The following GATAD1 variants were observed in gnomAD, a reference collection of about 807,000 sequenced individuals.
GATAD1 encodes the protein GATA zinc finger domain-containing protein 1.
In GATAD1, 12 loss-of-function variants were observed where a neutral mutation model predicts 26.5. The ratio of observed to expected loss-of-function variants is 0.45; its 90% CI spans 0.29 to 0.73. The LOEUF (loss-of-function observed/expected upper bound fraction) is 0.73, where lower values mean the gene tolerates loss of function less well. GATAD1 is among the 30% of genes least tolerant of loss of function. The pLI, the probability that GATAD1 is intolerant of heterozygous loss-of-function variation, is 0.10. For missense variants in GATAD1, 266 were observed against 342.1 expected (o/e 0.78, Z 1.75); for synonymous variants, 129 against 133.1 (o/e 0.97, Z 0.21).
chr7:92,490,464 G>A, the GATAD1 span, among the ~76,000 whole-genome samples: 3 of 151,786 alleles, frequency 2.0e-5, no homozygotes, highest in African/African-American at 4.8e-5. Flanking sequence ...GTGAAACCTC[G>A]TCTCTACAAA....
the GATAD1 span, chr7:92,489,927 T>C: frequency 1.7e-4 from 267 of 1,595,468 alleles, 1 homozygote; most frequent in Admixed American, 7.0e-4. Flanking sequence ...TGGTAAATTG[T>C]AGTAATGAAA....
At chr7:92,495,509 TA>T in the GATAD1 span, among the ~76,000 whole-genome samples, 2 of 152,200 alleles carry the variant, frequency 1.3e-5, no homozygotes, top group Non-Finnish European at 2.9e-5. Flanking sequence ...GTTACAGGAC[TA>T]CTCAGATTTT....
At chr7:92,463,822 A>C (rs187888423), downstream of GATAD1, among the ~76,000 whole-genome samples, 1 of 152,086 alleles carries the variant, frequency 6.6e-6, no homozygotes, top group East Asian at 1.9e-4. Flanking sequence ...TACAAAAATT[A>C]GTCGAGTGTG....
At chr7:92,463,988 A>G (rs1790016860), downstream of GATAD1, among the ~76,000 whole-genome samples, 1 of 152,116 alleles carries the variant, frequency 6.6e-6, no homozygotes, top group African/African-American at 2.4e-5. Flanking sequence ...TTAAAATTGT[A>G]AGTTTTGTTA....
downstream of GATAD1, among the ~76,000 whole-genome samples, chr7:92,460,931 A>G (rs1047490702): frequency 1.3e-5 from 2 of 151,456 alleles, no homozygotes; most frequent in African/African-American, 2.4e-5. Flanking sequence ...TACAATAAGC[A>G]CACACACACA....
Position 92,458,725 on chromosome 7 carries a change from A to G in GATAD1, c.*2163A>G, listed in dbSNP as rs1244152615. ...GAAAGAAACAACTATAGGTAGCTAC[A>G]CGTACATAATTATCTCTTTATTCAC... On this transcript the variant is annotated 3_prime_UTR_variant, in exon 5 of 5. Coordinates refer to ENST00000287957, the MANE Select transcript of GATAD1 (RefSeq NM_021167.5). 6.6e-6 allele frequency: 1 copy of G among 152,214 alleles called. No individual in the cohort carries two copies. Among genetic ancestry groups the G allele is most frequent in the East Asian group, 1.9e-4 (1 of 5,200 alleles). 9.4% of individuals were successfully genotyped at this position (152,214 alleles called of 1,614,324 possible). A position where few individuals can be genotyped will look rare whatever the true frequency, so the allele number is the denominator to read the frequency against.
chr7:92,452,013 G>A (rs915192550), intron 3 of GATAD1, among the ~76,000 whole-genome samples: 6 of 152,232 alleles, frequency 3.9e-5, no homozygotes, highest in Non-Finnish European at 8.8e-5. Flanking sequence ...CTGTAAAATA[G>A]GAATTGTAAA....
chr7:92,468,082 C>T, the GATAD1 span, among the ~76,000 whole-genome samples: 482 of 152,258 alleles, frequency 3.2e-3, 1 homozygote, highest in Non-Finnish European at 4.9e-3. Flanking sequence ...TTGGGCCATG[C>T]GGTGAGTGTT....
chr7:92,469,009 A>G, the GATAD1 span: 1 of 742,762 alleles, frequency 1.3e-6, no homozygotes, highest in South Asian at 1.4e-5. Context: ...TAGCAATATT[A>G]TAGCTGCTAG....
the GATAD1 span, chr7:92,490,237 G>A: frequency 3.2e-6 from 1 of 316,714 alleles, no homozygotes; most frequent in South Asian, 3.6e-5. Flanking sequence ...CTAAGTTTCT[G>A]GGACATTTCT....
At chr7:92,487,445 AAG>A in the GATAD1 span, 278 of 1,453,158 alleles carry the variant, frequency 1.9e-4, 1 homozygote, top group Non-Finnish European at 2.5e-4. Context: ...CCAAATCAAA[AAG>A]AAGTATATTT....
At chr7:92,473,600 C>T in the GATAD1 span, among the ~76,000 whole-genome samples, 4 of 151,988 alleles carry the variant, frequency 2.6e-5, no homozygotes, top group Admixed American at 6.6e-5. Context: ...GAATGTCTCT[C>T]CCTAACAAGG....
the GATAD1 span, among the ~76,000 whole-genome samples, chr7:92,484,652 G>A: frequency 6.6e-6 from 1 of 152,210 alleles, no homozygotes; most frequent in African/African-American, 2.4e-5. Flanking sequence ...GAGGGAGTTT[G>A]AAGGGTAGCA....
chr7:92,489,931 A>C, the GATAD1 span: 1 of 1,596,602 alleles, frequency 6.3e-7, no homozygotes, highest in African/African-American at 1.3e-5. Context: ...AAATTGTAGT[A>C]ATGAAAGATG....
chr7:92,483,197 G>C, the GATAD1 span, among the ~76,000 whole-genome samples: 1 of 152,214 alleles, frequency 6.6e-6, no homozygotes, highest in African/African-American at 2.4e-5. Context: ...GGCTTAGGAG[G>C]AATCCTGGGC....
chr7:92,470,996 A>G, the GATAD1 span: 2 of 167,064 alleles, frequency 1.2e-5, no homozygotes, highest in Admixed American at 1.3e-4. Flanking sequence ...AGTGTAAGTG[A>G]TATCGTATAC....
downstream of GATAD1, among the ~76,000 whole-genome samples, chr7:92,464,594 A>T (rs1790034908): frequency 6.6e-6 from 1 of 152,184 alleles, no homozygotes; most frequent in South Asian, 2.1e-4. Context: ...AATAATAATC[A>T]TCTGTCCTTG....
the GATAD1 span, among the ~76,000 whole-genome samples, chr7:92,476,596 A>C: frequency 2.2e-5 from 3 of 137,964 alleles, no homozygotes; most frequent in Admixed American, 7.1e-5. Context: ...TCTCTCTTTG[A>C]CTCTCTCTCT....
At chr7:92,474,417 C>A in the GATAD1 span, among the ~76,000 whole-genome samples, 1 of 152,168 alleles carries the variant, frequency 6.6e-6, no homozygotes, top group Non-Finnish European at 1.5e-5. Flanking sequence ...CTTCCCTTCC[C>A]TGTGTTATGG....
Sources: allele counts gnomAD v4.1 joint callset (sites outside exome capture counted in the v4.1 genomes callset), GRCh38; gene constraint gnomAD v4.1.1; transcripts MANE v1.5; gene names NCBI Gene and HGNC (gene_info 2026-07-23, HGNC 2026-07-21).